The following PCDH11X variants were observed in gnomAD, a reference collection of about 807,000 sequenced individuals.
PCDH11X encodes the protein protocadherin-11 X-linked.
In PCDH11X, 18 loss-of-function variants were observed where a neutral mutation model predicts 53.3. The ratio of observed to expected loss-of-function variants is 0.34; its 90% CI spans 0.23 to 0.50. PCDH11X has a LOEUF of 0.50. Ranked by LOEUF, PCDH11X falls within the 20% of genes least tolerant of loss-of-function variation. The pLI is 0.98. For synonymous variants in PCDH11X, 279 were observed against 393.3 expected (o/e 0.71, Z 3.44); for missense variants, 570 against 1,032.4 (o/e 0.55, Z 6.14).
chrX:92,238,990 G>A (rs763791790), intron 7 of PCDH11X, among the ~76,000 whole-genome samples: 1 of 110,438 alleles, frequency 9.1e-6, no homozygotes, highest in African/African-American at 3.3e-5. Flanking sequence ...CTTTCTTCAT[G>A]TCTTTGAAAT....
intron 8 of PCDH11X, among the ~76,000 whole-genome samples, chrX:92,330,484 TA>T (rs1468053446): frequency 9.0e-6 from 1 of 110,844 alleles, no homozygotes; most frequent in African/African-American, 3.3e-5. Context: ...GGTGGAAATG[TA>T]AAATTGAACA....
chrX:91,805,300 G>A (rs764798270), intron 1 of PCDH11X, among the ~76,000 whole-genome samples: 5 of 110,535 alleles, frequency 4.5e-5, no homozygotes, highest in South Asian at 3.8e-4. Flanking sequence ...ATCTTCTGGC[G>A]TTCTTTAAAC....
At chrX:92,521,014 A>G (rs111291458) in intron 10 of PCDH11X, among the ~76,000 whole-genome samples, 7,566 of 110,804 alleles carry the variant, frequency 0.068, 262 homozygotes, top group African/African-American at 0.12. Flanking sequence ...GATTTCCTTC[A>G]CTGAAGTCTT....
intron 6 of PCDH11X, among the ~76,000 whole-genome samples, chrX:92,001,550 C>T (rs191621588): frequency 1.9e-5 from 2 of 105,844 alleles, no homozygotes; most frequent in East Asian, 3.0e-4. Context: ...CTCACCACAA[C>T]CTCTGACGCC....
intron 6 of PCDH11X, among the ~76,000 whole-genome samples, chrX:92,053,663 C>T (rs1309944414): frequency 4.6e-5 from 5 of 107,651 alleles, no homozygotes; most frequent in Admixed American, 1.0e-4. Context: ...CTCTGCCGCC[C>T]GGGTTCAAGC....
chrX:92,176,173 G>C (rs2065907487), intron 6 of PCDH11X, among the ~76,000 whole-genome samples: 1 of 111,306 alleles, frequency 9.0e-6, no homozygotes, highest in Non-Finnish European at 1.9e-5. Flanking sequence ...ATGTATTTAG[G>C]ATGCACCTAG....
intron 6 of PCDH11X, among the ~76,000 whole-genome samples, chrX:91,925,001 A>C (rs903125329): frequency 9.1e-6 from 1 of 110,043 alleles, no homozygotes; most frequent in Non-Finnish European, 1.9e-5. Flanking sequence ...ATGGTTTGAC[A>C]TGTGTTAAAA....
intron 6 of PCDH11X, among the ~76,000 whole-genome samples, chrX:92,157,726 AAC>A (rs1049151704): frequency 8.9e-6 from 1 of 112,021 alleles, no homozygotes; most frequent in Non-Finnish European, 1.9e-5. Context: ...TTTGAATTTA[AAC>A]ACATTTTATT....
At chrX:92,099,789 A>G (rs1156828591) in intron 6 of PCDH11X, among the ~76,000 whole-genome samples, 1 of 111,087 alleles carries the variant, frequency 9.0e-6, no homozygotes, top group Non-Finnish European at 1.9e-5. Flanking sequence ...TTCTGCTTGT[A>G]TTTATATGCT....
chrX:92,588,407 T>A (rs1410217136), intron 10 of PCDH11X, among the ~76,000 whole-genome samples: 1 of 104,670 alleles, frequency 9.6e-6, no homozygotes, highest in Non-Finnish European at 1.9e-5. Context: ...TACATATATA[T>A]GTTTGTGTGT....
At chrX:91,888,260 G>T (rs746175241) in intron 6 of PCDH11X, among the ~76,000 whole-genome samples, 113 of 111,553 alleles carry the variant, frequency 1.0e-3, no homozygotes, top group African/African-American at 3.5e-3. Context: ...AGAAATATTT[G>T]TACTTTATCC....
chrX:92,008,568 G>A (rs183930481), intron 6 of PCDH11X, among the ~76,000 whole-genome samples: 1,590 of 109,279 alleles, frequency 0.015, 36 homozygotes, highest in African/African-American at 0.051. Flanking sequence ...GCAACTTTAG[G>A]ACATATGAAG....
At chrX:91,886,310 A>G (rs1213071561) in intron 6 of PCDH11X, among the ~76,000 whole-genome samples, 2 of 111,333 alleles carry the variant, frequency 1.8e-5, no homozygotes, top group Non-Finnish European at 3.8e-5. Context: ...AAGATAGCAA[A>G]TCTTAAAACT....
At chrX:92,544,929 G>C (rs1249705655) in intron 10 of PCDH11X, among the ~76,000 whole-genome samples, 1 of 111,433 alleles carries the variant, frequency 9.0e-6, no homozygotes, top group Non-Finnish European at 1.9e-5. Context: ...CCAGATTCAA[G>C]CCCCTACAAA....
At chrX:92,051,632 G>A (rs2063368289) in intron 6 of PCDH11X, among the ~76,000 whole-genome samples, 2 of 111,594 alleles carry the variant, frequency 1.8e-5, no homozygotes, top group African/African-American at 6.5e-5. Context: ...AGATTTGAGA[G>A]TGTATAGAGT....
At chrX:92,578,212 G>A (rs1230513493) in intron 10 of PCDH11X, among the ~76,000 whole-genome samples, 1 of 97,804 alleles carries the variant, frequency 1.0e-5, no homozygotes, top group African/African-American at 3.9e-5. Flanking sequence ...GTCTATTGGG[G>A]GATGGGGGGC....
chrX:91,908,567 G>A (rs1029517069), intron 6 of PCDH11X, among the ~76,000 whole-genome samples: 2 of 111,098 alleles, frequency 1.8e-5, no homozygotes, highest in Non-Finnish European at 3.8e-5. Context: ...ACTCTGGGAG[G>A]CCGAGGCAGG....
intron 1 of PCDH11X, among the ~76,000 whole-genome samples, chrX:91,807,770 T>C (rs998124449): frequency 4.6e-4 from 51 of 111,516 alleles, no homozygotes; most frequent in African/African-American, 1.6e-3. Flanking sequence ...TTACAGTTTT[T>C]CAATTAAAAA....
chrX:91,993,272 T>C (rs2062356676), intron 6 of PCDH11X, among the ~76,000 whole-genome samples: 1 of 112,846 alleles, frequency 8.9e-6, no homozygotes, highest in East Asian at 2.8e-4. Flanking sequence ...GTTTGCAAAA[T>C]CTGTGTTCTC....
Sources: gnomAD v4.1 joint callset for allele counts (sites outside exome capture counted in the v4.1 genomes callset) on GRCh38, gnomAD v4.1.1 for gene constraint, MANE v1.5 for transcripts, NCBI Gene and HGNC (gene_info 2026-07-23, HGNC 2026-07-21) for gene names.